The following NALCN variants were observed in gnomAD, a reference collection of about 807,000 sequenced individuals.
The protein encoded by NALCN is sodium leak channel NALCN.
NALCN carries 111 observed loss-of-function variants against 225.3 expected under a neutral mutation model. That is an observed-to-expected ratio of 0.49 (90% CI 0.42 to 0.58). The LOEUF (loss-of-function observed/expected upper bound fraction) is 0.58, where lower values mean the gene tolerates loss of function less well. NALCN is among the 20% of genes least tolerant of loss of function. NALCN has a pLI of 0.00. For synonymous variants in NALCN, 764 were observed against 769.0 expected (o/e 0.99, Z 0.11); for missense variants, 1,378 against 2,202.4 (o/e 0.63, Z 7.49).
intron 7 of NALCN, among the ~76,000 whole-genome samples, chr13:101,310,622 T>C (rs2044307782): frequency 6.6e-6 from 1 of 152,166 alleles, no homozygotes; most frequent in Non-Finnish European, 1.5e-5. Context: ...TTTATTTTAC[T>C]TACTTATTTT....
intron 7 of NALCN, among the ~76,000 whole-genome samples, chr13:101,303,381 G>T (rs950817806): frequency 6.6e-6 from 1 of 152,110 alleles, no homozygotes; most frequent in South Asian, 2.1e-4. Context: ...TGAAAAGGCC[G>T]TCATTAGCAC....
At chr13:101,070,991 G>A (rs1035082591) in intron 37 of NALCN, among the ~76,000 whole-genome samples, 1 of 152,078 alleles carries the variant, frequency 6.6e-6, no homozygotes, top group Non-Finnish European at 1.5e-5. Flanking sequence ...AAAATGGGGG[G>A]AAAAACCTCT....
At chr13:101,245,989 G>A (rs1467374188) in intron 11 of NALCN, among the ~76,000 whole-genome samples, 1 of 152,152 alleles carries the variant, frequency 6.6e-6, no homozygotes, top group African/African-American at 2.4e-5. Flanking sequence ...GGGGGTATTT[G>A]GACCTGAGAA....
At chr13:101,364,955 A>G (rs1021652971) in intron 6 of NALCN, among the ~76,000 whole-genome samples, 9 of 152,224 alleles carry the variant, frequency 5.9e-5, no homozygotes, top group African/African-American at 2.2e-4. Context: ...ATGATTTTAC[A>G]TATTCTACAA....
At chr13:101,312,953 A>T (rs2044405214) in intron 7 of NALCN, among the ~76,000 whole-genome samples, 1 of 152,252 alleles carries the variant, frequency 6.6e-6, no homozygotes, top group Non-Finnish European at 1.5e-5. Flanking sequence ...TACAGTAACC[A>T]AAACAGCATG....
At chr13:101,415,758 G>C (rs564757991) in intron 1 of NALCN, among the ~76,000 whole-genome samples, 2 of 152,336 alleles carry the variant, frequency 1.3e-5, no homozygotes, top group Admixed American at 6.5e-5. Flanking sequence ...ATGGGGGTGG[G>C]GCAAGGCCGC....
intron 6 of NALCN, among the ~76,000 whole-genome samples, chr13:101,375,882 T>C (rs539490704): frequency 1.3e-5 from 2 of 152,246 alleles, no homozygotes; most frequent in South Asian, 4.1e-4. Context: ...GGGACACTTC[T>C]GGACCATCCA....
At chr13:101,078,695 A>C (rs1015564756) in intron 34 of NALCN, among the ~76,000 whole-genome samples, 2 of 152,138 alleles carry the variant, frequency 1.3e-5, no homozygotes, top group African/African-American at 4.8e-5. Context: ...CTCAGATAAG[A>C]CTTTGGGCTT....
chr13:101,332,166 G>T (rs989795136), intron 7 of NALCN, among the ~76,000 whole-genome samples: 1 of 151,972 alleles, frequency 6.6e-6, no homozygotes, highest in African/African-American at 2.4e-5. Context: ...AGAAAACAAA[G>T]AATAGAGAGA....
At chr13:101,226,955 C>A (rs1050801052) in intron 13 of NALCN, among the ~76,000 whole-genome samples, 2 of 152,160 alleles carry the variant, frequency 1.3e-5, no homozygotes, top group South Asian at 2.1e-4. Flanking sequence ...ATGGCTGGAA[C>A]CTTTTGTTCA....
chr13:101,354,003 T>C (rs950200954), intron 6 of NALCN, among the ~76,000 whole-genome samples: 2 of 152,124 alleles, frequency 1.3e-5, no homozygotes, highest in Non-Finnish European at 2.9e-5. Context: ...AGACTGCAGT[T>C]GGGTTAGGAT....
intron 13 of NALCN, among the ~76,000 whole-genome samples, chr13:101,197,720 G>C (rs1566418097): frequency 1.3e-5 from 2 of 152,188 alleles, no homozygotes; most frequent in African/African-American, 4.8e-5. Context: ...TACCCTGCCA[G>C]GGAAGAAATA....
intron 10 of NALCN, among the ~76,000 whole-genome samples, chr13:101,272,117 C>T (rs1442685220): frequency 6.6e-6 from 1 of 151,056 alleles, no homozygotes; most frequent in Non-Finnish European, 1.5e-5. Flanking sequence ...GTCTGTGTCA[C>T]TGTGTGTGTT....
chr13:101,239,555 T>TA (rs2140161284), intron 11 of NALCN, among the ~76,000 whole-genome samples: 1 of 152,154 alleles, frequency 6.6e-6, no homozygotes, highest in East Asian at 1.9e-4. Flanking sequence ...ATGTTTTATT[T>TA]ATCAGCTGCA....
intron 13 of NALCN, among the ~76,000 whole-genome samples, chr13:101,207,902 G>A (rs1419925005): frequency 1.3e-5 from 2 of 152,200 alleles, no homozygotes; most frequent in African/African-American, 4.8e-5. Flanking sequence ...TTTATGAGCT[G>A]CAACACTCAC....
intron 13 of NALCN, among the ~76,000 whole-genome samples, chr13:101,203,966 G>A (rs1342272687): frequency 1.3e-5 from 2 of 152,158 alleles, no homozygotes; most frequent in Admixed American, 6.5e-5. Context: ...TGAAAATAAG[G>A]AGGCAGGTAA....
chr13:101,283,455 C>T lies in NALCN; in HGVS notation c.1134+478G>A, dbSNP rs186815346. The stretch of plus-strand genomic sequence containing the variant: ...AATCTATCTCATGAGGACTCTCAGG[C>T]CCCACCTGCAATCCTTATGTTTGCT... On this transcript the variant is annotated intron_variant, in intron 10 of 43. Coordinates refer to ENST00000251127, the MANE Select transcript of NALCN (RefSeq NM_052867.4). Among the ~76,000 whole-genome samples the T allele has an allele frequency of 3.4e-3, 513 of 152,230 alleles. 3 individuals carry two copies. The highest frequency in any genetic ancestry group is 0.011 in the African/African-American group (475 of 41,528).
At chr13:101,060,054 T>C in intron 41 of NALCN, 87 bp from the exon 42 acceptor site, 1 of 1,481,376 alleles carries the variant, frequency 6.8e-7, no homozygotes, top group Non-Finnish European at 9.2e-7. Context: ...TCTTCTCCCC[T>C]CTCCTAAGAC....
At chr13:101,204,535 T>A (rs2040242511) in intron 13 of NALCN, among the ~76,000 whole-genome samples, 1 of 152,076 alleles carries the variant, frequency 6.6e-6, no homozygotes, top group Non-Finnish European at 1.5e-5. Context: ...AGCTTGAACA[T>A]AATTAGAAGC....
Sources: allele counts gnomAD v4.1 joint callset (sites outside exome capture counted in the v4.1 genomes callset), GRCh38; gene constraint gnomAD v4.1.1; transcripts MANE v1.5; gene names NCBI Gene and HGNC (gene_info 2026-07-23, HGNC 2026-07-21).